Variants in FBXL13 observed in about 807,000 individuals in gnomAD.
FBXL13 encodes F-box and leucine rich repeat protein 13.
A neutral mutation model predicts 83.6 loss-of-function variants in FBXL13; 67 were observed. The observed-to-expected ratio is 0.80, with a 90% CI of 0.66 to 0.98. The LOEUF is 0.98. Among genes scored for constraint, FBXL13 ranks in the 50% least tolerant of loss-of-function variants. The pLI is 0.00. For missense variants in FBXL13, 822 were observed against 866.5 expected, an observed-to-expected ratio of 0.95 and a Z score of 0.64; for synonymous variants, 272 against 299.5, an observed-to-expected ratio of 0.91 and a Z score of 0.95.
intron 6 of FBXL13, among the ~76,000 whole-genome samples, chr7:102,990,885 A>C (rs1037153874): frequency 3.9e-5 from 6 of 152,226 alleles, no homozygotes; most frequent in Non-Finnish European, 8.8e-5. Flanking sequence ...TGGAGAATGC[A>C]GCTGAGAGGT....
At chr7:102,935,413 A>G (rs1820135714) in intron 8 of FBXL13, among the ~76,000 whole-genome samples, 1 of 151,690 alleles carries the variant, frequency 6.6e-6, no homozygotes, top group South Asian at 2.1e-4. Flanking sequence ...TTAACATCCT[A>G]TATCTTAATT....
At chr7:102,898,975 G>C (rs1812629491) in intron 11 of FBXL13, among the ~76,000 whole-genome samples, 1 of 152,108 alleles carries the variant, frequency 6.6e-6, no homozygotes, top group Non-Finnish European at 1.5e-5. Context: ...GAAGTGCAGT[G>C]GCACAATCTC....
exon 20 of FBXL13, chr7:102,813,514 A>G (rs200659466): frequency 1.9e-6 from 3 of 1,613,934 alleles, no homozygotes; most frequent in African/African-American, 2.7e-5. Flanking sequence ...TTTAGATGAC[A>G]TTCTTTGAGC....
chr7:102,836,591 A>G (rs1160979076), intron 17 of FBXL13, among the ~76,000 whole-genome samples: 1 of 152,234 alleles, frequency 6.6e-6, no homozygotes, highest in Non-Finnish European at 1.5e-5. Context: ...TAAAAATGCA[A>G]ACATTATCAA....
chr7:102,828,600 A>C (rs909458147), intron 18 of FBXL13, among the ~76,000 whole-genome samples: 5 of 152,324 alleles, frequency 3.3e-5, no homozygotes, highest in Admixed American at 2.0e-4. Context: ...TCAATACTTC[A>C]TGCCTTTCCA....
At chr7:102,864,259 C>A (rs960959336) in intron 16 of FBXL13, among the ~76,000 whole-genome samples, 1 of 152,204 alleles carries the variant, frequency 6.6e-6, no homozygotes, top group South Asian at 2.1e-4. Context: ...CAACACATAA[C>A]CCTCCTTATG....
chr7:102,857,977 A>AT (rs1172843381), intron 16 of FBXL13, among the ~76,000 whole-genome samples: 1 of 152,218 alleles, frequency 6.6e-6, no homozygotes, highest in Non-Finnish European at 1.5e-5. Flanking sequence ...GGAACTCAGT[A>AT]TATCAAAGGG....
chr7:103,074,428 C>A (rs1453748693), exon 1 of FBXL13: 8 of 1,095,162 alleles, frequency 7.3e-6, no homozygotes, highest in Admixed American at 3.8e-5. Flanking sequence ...GGTTTCCGAT[C>A]TGGGCCTTGT....
intron 6 of FBXL13, among the ~76,000 whole-genome samples, chr7:103,014,645 C>A (rs563229706): frequency 6.6e-6 from 1 of 152,016 alleles, no homozygotes; most frequent in Admixed American, 6.6e-5. Context: ...CAAACTGGGC[C>A]GGGCGCGGTG....
At chr7:102,888,277 G>A (rs982219089) in intron 11 of FBXL13, among the ~76,000 whole-genome samples, 5 of 152,330 alleles carry the variant, frequency 3.3e-5, no homozygotes, top group East Asian at 3.9e-4. Context: ...AGTGGCTCAC[G>A]CCTGTAATCC....
intron 8 of FBXL13, among the ~76,000 whole-genome samples, chr7:102,960,258 C>T (rs1824966879): frequency 6.6e-6 from 1 of 152,096 alleles, no homozygotes; most frequent in African/African-American, 2.4e-5. Context: ...TTCCCGGACA[C>T]ATACACTCTC....
intron 6 of FBXL13, among the ~76,000 whole-genome samples, chr7:102,987,669 G>A (rs192351411): frequency 3.3e-5 from 5 of 152,268 alleles, no homozygotes; most frequent in East Asian, 1.9e-4. Context: ...AAATGAAAAC[G>A]CATCTTGAGT....
At chr7:102,985,565 A>G (rs1828843579) in intron 6 of FBXL13, among the ~76,000 whole-genome samples, 1 of 152,184 alleles carries the variant, frequency 6.6e-6, no homozygotes, top group African/African-American at 2.4e-5. Flanking sequence ...GGCTATATTC[A>G]TGTTTATGAA....
intron 10 of FBXL13, among the ~76,000 whole-genome samples, chr7:102,925,219 C>A (rs762745391): frequency 6.6e-6 from 1 of 151,994 alleles, no homozygotes; most frequent in Non-Finnish European, 1.5e-5. Flanking sequence ...CATGGTGAAA[C>A]CCCATCTCTA....
At chr7:102,924,314 G>T (rs1817650342) in intron 10 of FBXL13, among the ~76,000 whole-genome samples, 1 of 151,504 alleles carries the variant, frequency 6.6e-6, no homozygotes, top group Non-Finnish European at 1.5e-5. Context: ...CACATGGATT[G>T]TAGTTTGCTG....
intron 8 of FBXL13, chr7:102,944,545 G>A (rs1563130630): frequency 1.9e-6 from 3 of 1,609,052 alleles, no homozygotes. Flanking sequence ...TGATGAATGG[G>A]AAAAAAAACA....
rs1026469400 is a variant in FBXL13 at position 102,851,519 on chromosome 7, CCTCCTCCT to C, written c.1719+3250_1719+3257del. Among the ~76,000 whole-genome samples the C allele has an allele frequency of 3.7e-5, 5 of 135,410 alleles. No homozygotes were observed. In the East Asian group the frequency reaches 7.0e-4, roughly 19 times the overall value. The allele number at this position is 135,410 out of a possible 152,430, so 88.8% of individuals were successfully genotyped here. A position where few individuals can be genotyped will look rare whatever the true frequency, so the allele number is the denominator to read the frequency against. ...TCCTTCTCCTTCTTCTTTTCTTCTT[CCTCCTCCT>C]CTCCTCCTCTTCCTTTTCCTTCTTC... On this transcript the variant is annotated intron_variant, in intron 17 of 19. Coordinates refer to ENST00000313221, the Ensembl canonical transcript of FBXL13.
intron 8 of FBXL13, among the ~76,000 whole-genome samples, chr7:102,962,970 C>G (rs899482519): frequency 1.6e-5 from 2 of 123,510 alleles, no homozygotes; most frequent in African/African-American, 6.1e-5. Context: ...TACCCTAAAA[C>G]TTAAAGGATA....
chr7:102,934,087 A>G (rs769798303), intron 8 of FBXL13: 2 of 1,614,238 alleles, frequency 1.2e-6, no homozygotes, highest in African/African-American at 1.3e-5. Flanking sequence ...ACGTGTACAC[A>G]TATCTCCATG....
Sources: allele counts gnomAD v4.1 joint callset (sites outside exome capture counted in the v4.1 genomes callset), GRCh38; gene constraint gnomAD v4.1.1; transcripts MANE v1.5; gene names NCBI Gene and HGNC (gene_info 2026-07-23, HGNC 2026-07-21).